Variants in PKM observed in about 807,000 individuals in gnomAD.
PKM encodes the protein pyruvate kinase M1/2.
A neutral mutation model predicts 49.8 loss-of-function variants in PKM; 18 were observed. The ratio of observed to expected loss-of-function variants is 0.36; its 90% CI spans 0.25 to 0.54. PKM has a LOEUF of 0.54. PKM is among the 20% of genes least tolerant of loss of function. PKM has a pLI of 0.89. For synonymous variants in PKM, 239 were observed against 261.8 expected, an observed-to-expected ratio of 0.91 and a Z score of 0.84; for missense variants, 508 against 713.8, an observed-to-expected ratio of 0.71 and a Z score of 3.28.
At chr15:72,205,637 T>G (rs1307376915) in intron 8 of PKM, among the ~76,000 whole-genome samples, 4 of 150,954 alleles carry the variant, frequency 2.6e-5, no homozygotes, top group Non-Finnish European at 5.9e-5. Context: ...TTTTTTTTTT[T>G]TTTTTTTTTC....
Position 72,228,821 on chromosome 15 carries a change from C to T in PKM, c.-14+2295G>A, listed in dbSNP as rs189656498. 11 of 326,506 alleles carry T rather than the reference C, an allele frequency of 3.4e-5. No homozygotes were observed. The East Asian group carries it at 8.3e-4, about 25-fold the overall frequency. The allele number at this position is 326,506 out of a possible 1,614,324, so 20.2% of individuals were successfully genotyped here. On this transcript the variant is annotated intron_variant, in intron 1 of 10. Transcript: ENST00000335181. ...GGGAGTGGCCACACCCTCAAGACGG[C>T]CAACTGGGGGCTACTGACCCTGGCT...
At chr15:72,221,119 G>C (rs2082509556) in intron 1 of PKM, 1 of 1,031,632 alleles carries the variant, frequency 9.7e-7, no homozygotes, top group Non-Finnish European at 1.5e-6. Flanking sequence ...TGAGATATGA[G>C]GGTCTTCCTG....
chr15:72,207,835 C>T (rs754589119), intron 6 of PKM, among the ~76,000 whole-genome samples: 17 of 152,252 alleles, frequency 1.1e-4, no homozygotes, highest in Non-Finnish European at 2.1e-4. Context: ...TTGCCTGGTA[C>T]AGAGGATATC....
At position 72,229,480 on chromosome 15, in the gene PKM, C is replaced by G. The variant is rs532665500; in HGVS notation, c.-14+1636G>C. On this transcript the variant is annotated intron_variant, in intron 1 of 10. Coordinates refer to ENST00000335181, the MANE Select transcript of PKM (RefSeq NM_002654.6). ...CTTCACTGTCGGCCTCACTTTAACC[C>G]GTACCAGCAAAGGTCCAAGCCCTGG... The G allele has an allele frequency of 1.2e-5, 12 of 1,008,654 alleles. No individual in the cohort carries two copies. The African/African-American group carries it at 1.8e-4, about 15-fold the overall frequency. The allele number at this position is 1,008,654 out of a possible 1,614,324, so 62.5% of individuals were successfully genotyped here. A position where few individuals can be genotyped will look rare whatever the true frequency, so the allele number is the denominator to read the frequency against.
At chr15:72,228,648 C>G in intron 1 of PKM, 1 of 1,284,846 alleles carries the variant, frequency 7.8e-7, no homozygotes, top group Non-Finnish European at 1.0e-6. Flanking sequence ...AGCCCCACTC[C>G]CCCACAGATT....
rs2081929077 is a variant in PKM at position 72,200,919 on chromosome 15, C to T, written c.1308-264G>A. 2.2e-6 allele frequency: 1 copy of T among 447,572 alleles called. No homozygotes were observed. The highest frequency in any genetic ancestry group is 4.1e-6 in the Non-Finnish European group (1 of 245,882). 27.7% of individuals were successfully genotyped at this position (447,572 alleles called of 1,614,324 possible). Reference sequence around the variant, plus strand: ...CCTTGACCCAGCAAGATCAGCCTCACCCACTTACCCCACACAGCCCATGGT... The same window carrying T: ...CCTTGACCCAGCAAGATCAGCCTCATCCACTTACCCCACACAGCCCATGGT... On this transcript the variant is annotated intron_variant, in intron 9 of 10. Coordinates refer to ENST00000335181, the MANE Select transcript of PKM (RefSeq NM_002654.6). The surrounding 1 kb of genome is among the most constrained non-coding windows in gnomAD (Gnocchi z 4.6).
chr15:72,209,236 G>C (rs540873052), intron 5 of PKM, among the ~76,000 whole-genome samples: 28 of 151,752 alleles, frequency 1.8e-4, no homozygotes, highest in Admixed American at 1.0e-3. Flanking sequence ...GGGTGTGGTG[G>C]CGGGTGCCTG....
rs778113196 is a variant in PKM at position 72,224,866 on chromosome 15, GA to G, written c.-13-5757del. ...GAAAAACTCTGTCTCAGAAAAAAAGGAAAAAAAAAAAAACACAAATAAAGGC... is the reference window on the plus strand; with the variant it reads ...GAAAAACTCTGTCTCAGAAAAAAAGGAAAAAAAAAAAACACAAATAAAGGC... On this transcript the variant is annotated intron_variant, in intron 1 of 10. Coordinates refer to ENST00000335181, the MANE Select transcript of PKM (RefSeq NM_002654.6). 3.7e-3 allele frequency among the ~76,000 whole-genome samples: 449 copies of G among 121,952 alleles called. 2 individuals carry two copies. Among genetic ancestry groups the G allele is most frequent in the African/African-American group, 9.8e-3 (331 of 33,624 alleles). The allele number at this position is 121,952 out of a possible 152,430, so 80.0% of individuals were successfully genotyped here. A position where few individuals can be genotyped will look rare whatever the true frequency, so the allele number is the denominator to read the frequency against.
intron 5 of PKM, chr15:72,209,396 AATATATATATATATATATAT>A (rs1182751717): frequency 8.9e-5 from 7 of 78,996 alleles, no homozygotes; most frequent in African/African-American, 3.0e-4. Flanking sequence ...CAGCGAAACA[AATATATATATATATATATAT>A]ATATATATAT....
intron 1 of PKM, 76 bp downstream of exon 1, chr15:72,231,040 G>A: frequency 2.8e-6 from 3 of 1,062,656 alleles, no homozygotes; most frequent in Non-Finnish European, 3.8e-6. Flanking sequence ...GGGCCGGCCG[G>A]CGCGCCGGGA....
At chr15:72,209,192 C>T (rs1308174327) in intron 5 of PKM, among the ~76,000 whole-genome samples, 9 of 151,762 alleles carry the variant, frequency 5.9e-5, no homozygotes, top group East Asian at 1.9e-4. Context: ...CATGGCAAAA[C>T]GCCATCTCTA....
At chr15:72,223,005 C>T (rs2082564927) in intron 1 of PKM, among the ~76,000 whole-genome samples, 1 of 151,384 alleles carries the variant, frequency 6.6e-6, no homozygotes, top group Non-Finnish European at 1.5e-5. Context: ...ACACTCCTCC[C>T]TCCAACTTTT....
At position 72,200,374 on chromosome 15, in the gene PKM, G is replaced by T; in HGVS notation, c.1489+100C>A. On this transcript the variant is annotated intron_variant, in intron 10 of 10. Coordinates refer to ENST00000335181, the MANE Select transcript of PKM (RefSeq NM_002654.6). The surrounding 1 kb of genome is among the most constrained non-coding windows in gnomAD (Gnocchi z 4.6). Reference sequence around the variant, plus strand: ...CCTTTTGCCCCACTAAGGTCTGTGTGTTCCCCTTTCTATTCCCCAAACTTT... The same window carrying T: ...CCTTTTGCCCCACTAAGGTCTGTGTTTTCCCCTTTCTATTCCCCAAACTTT... 2 of 1,082,604 alleles carry T rather than the reference G, an allele frequency of 1.8e-6. No homozygotes were observed. The highest frequency in any genetic ancestry group is 1.4e-6 in the Non-Finnish European group (1 of 713,376). The allele number at this position is 1,082,604 out of a possible 1,614,324, so 67.1% of individuals were successfully genotyped here.
chr15:72,203,877 A>T (rs1167261850), intron 8 of PKM: 9 of 152,484 alleles, frequency 5.9e-5, no homozygotes, highest in Admixed American at 5.9e-4. Flanking sequence ...ACTTGATTAA[A>T]ATCTAATAAT....
At chr15:72,229,776 G>T in intron 1 of PKM, 2 of 976,592 alleles carry the variant, frequency 2.0e-6, no homozygotes, top group Non-Finnish European at 2.6e-6. Flanking sequence ...CCCCCAAACA[G>T]CCCTTGACCC....
At chr15:72,228,576 C>G (rs1400498034) in intron 1 of PKM, 2 of 1,191,618 alleles carry the variant, frequency 1.7e-6, no homozygotes, top group Non-Finnish European at 2.2e-6. Flanking sequence ...TCCCCACTCA[C>G]CCAGCGAAGA....
intron 8 of PKM, chr15:72,204,311 C>T (rs2082018701): frequency 6.6e-6 from 1 of 152,276 alleles, no homozygotes. Context: ...CAGCTACAGC[C>T]TAGCCCAGAC....
At chr15:72,216,252 T>G (rs975324784) in intron 3 of PKM, among the ~76,000 whole-genome samples, 1 of 152,222 alleles carries the variant, frequency 6.6e-6, no homozygotes, top group Non-Finnish European at 1.5e-5. Flanking sequence ...GGTGCAAAGT[T>G]TGCCTCTTCT....
rs761046417 is a variant in PKM, at chr15:72,202,627, G to A, written c.1141-7C>T. 1.2e-6 allele frequency: 2 copies of A among 1,611,846 alleles called. No homozygotes were observed. The highest frequency in any genetic ancestry group is 8.5e-7 in the Non-Finnish European group (1 of 1,178,914). ...CCTCTGCCTCACGGGCAATCTAGGG[G>A]AGCAACATCCGTCCAGAGGGACGAG... On this transcript the variant is annotated splice_region_variant and splice_polypyrimidine_tract_variant and intron_variant, in intron 8 of 10. Coordinates refer to ENST00000335181, the MANE Select transcript of PKM (RefSeq NM_002654.6). The surrounding 1 kb of genome is among the most constrained non-coding windows in gnomAD (Gnocchi z 4.5).
Sources: allele counts gnomAD v4.1 joint callset (sites outside exome capture counted in the v4.1 genomes callset), GRCh38; gene constraint gnomAD v4.1.1; non-coding constraint Gnocchi (gnomAD v3.1); transcripts MANE v1.5; gene names NCBI Gene and HGNC (gene_info 2026-07-23, HGNC 2026-07-21).